ESR1: variants seen among roughly 807,000 people sequenced by gnomAD.
The protein encoded by ESR1 is estrogen receptor.
Under a neutral mutation model 52.7 loss-of-function variants are expected in ESR1, and 12 were observed. That is an observed-to-expected ratio of 0.23 (90% CI 0.15 to 0.37). ESR1 has a LOEUF of 0.37. Ranked by LOEUF, ESR1 falls within the 10% of genes least tolerant of loss-of-function variation. The pLI, the probability that ESR1 is intolerant of heterozygous loss-of-function variation, is 1.00. For synonymous variants in ESR1, 305 were observed against 316.8 expected (o/e 0.96, Z 0.39); for missense variants, 584 against 779.7 (o/e 0.75, Z 2.99).
rs1051270455 is a variant in ESR1, at chr6:151,968,099, G to A, written c.1096+23591G>A. Among the ~76,000 whole-genome samples, 3 of 151,950 alleles carry A rather than the reference G, an allele frequency of 2.0e-5. No individual in the cohort carries two copies. The East Asian group carries it at 5.8e-4, about 29-fold the overall frequency. On this transcript the variant is annotated intron_variant, in intron 4 of 7. Transcript: ENST00000206249. ...CATAGACTGATGGAACAGAACAGAG[G>A]CCTCAGAAATAACACCACACACCTA...
At chr6:151,929,748 A>C (rs180786499) in intron 3 of ESR1, among the ~76,000 whole-genome samples, 185 of 152,276 alleles carry the variant, frequency 1.2e-3, no homozygotes, top group African/African-American at 4.2e-3. Flanking sequence ...GGCTTTTTGT[A>C]GACAACATAT....
At chr6:151,697,571 T>C (rs1002903238) in intron 1 of ESR1, among the ~76,000 whole-genome samples, 2 of 152,254 alleles carry the variant, frequency 1.3e-5, no homozygotes, top group Admixed American at 1.3e-4. Flanking sequence ...GGACAAGATA[T>C]AGATGCAGAA....
At chr6:151,930,397 A>G (rs1211436967) in intron 3 of ESR1, among the ~76,000 whole-genome samples, 2 of 152,224 alleles carry the variant, frequency 1.3e-5, no homozygotes, top group African/African-American at 2.4e-5. Flanking sequence ...TACATGAAAT[A>G]TAGGGATATT....
At chr6:151,881,379 G>A (rs1002518349) in intron 3 of ESR1, among the ~76,000 whole-genome samples, 9 of 152,154 alleles carry the variant, frequency 5.9e-5, no homozygotes, top group African/African-American at 1.9e-4. Context: ...GTGACTGTGG[G>A]TTTGTGTTTT....
At chr6:152,042,317 G>A (rs1049631055) in intron 5 of ESR1, among the ~76,000 whole-genome samples, 2 of 152,160 alleles carry the variant, frequency 1.3e-5, no homozygotes, top group Non-Finnish European at 2.9e-5. Context: ...CAGCCCCACT[G>A]TAAGTTGGAC....
intron 5 of ESR1, among the ~76,000 whole-genome samples, chr6:152,041,951 G>A (rs2045836826): frequency 6.6e-6 from 1 of 152,208 alleles, no homozygotes; most frequent in South Asian, 2.1e-4. Context: ...TGCAATTGGA[G>A]TCACCGCTTA....
At chr6:151,809,487 C>T (rs1188381883) in intron 1 of ESR1, among the ~76,000 whole-genome samples, 22 of 152,148 alleles carry the variant, frequency 1.4e-4, no homozygotes, top group Admixed American at 1.4e-3. Context: ...AGCTTCAGGG[C>T]GCCACATGGC....
chr6:151,867,980 CAG>C (rs1178198011), intron 2 of ESR1, among the ~76,000 whole-genome samples: 1 of 152,142 alleles, frequency 6.6e-6, no homozygotes, highest in Non-Finnish European at 1.5e-5. Flanking sequence ...TTTTAAAAAT[CAG>C]GGGTACATAT....
chr6:151,925,301 G>T (rs1176457752), intron 3 of ESR1, among the ~76,000 whole-genome samples: 1 of 151,980 alleles, frequency 6.6e-6, no homozygotes, highest in Non-Finnish European at 1.5e-5. Flanking sequence ...CAGATCTTTT[G>T]CCCATTTTAA....
Position 151,889,112 on chromosome 6 carries a change from T to C in ESR1, c.760+8341T>C, listed in dbSNP as rs1270215232. 2.0e-5 allele frequency among the ~76,000 whole-genome samples: 3 copies of C among 152,346 alleles called. No individual in the cohort carries two copies. The East Asian group carries it at 5.8e-4, about 29-fold the overall frequency. On this transcript the variant is annotated intron_variant, in intron 3 of 7. Transcript: ENST00000206249. Reference sequence around the variant, plus strand: ...TTTGCATCTATATTCATCAGGGATATTGGCATGACATTTAATTTTCTTGTA... The same window carrying C: ...TTTGCATCTATATTCATCAGGGATACTGGCATGACATTTAATTTTCTTGTA...
exon 7 of ESR1, chr6:152,128,799 C>A (rs564704087): frequency 1.3e-5 from 2 of 152,200 alleles, no homozygotes; most frequent in Non-Finnish European, 2.9e-5. Flanking sequence ...AGGAACACCA[C>A]GACAGCCTGG....
downstream of ESR1, among the ~76,000 whole-genome samples, chr6:152,105,326 C>T (rs570181629): frequency 4.1e-4 from 63 of 152,266 alleles, no homozygotes; most frequent in African/African-American, 1.4e-3. Flanking sequence ...TCTTGTGGGA[C>T]TGAGCCCTTA....
intron 2 of ESR1, among the ~76,000 whole-genome samples, chr6:151,846,540 T>G (rs1785157657): frequency 6.6e-6 from 1 of 152,196 alleles, no homozygotes; most frequent in Non-Finnish European, 1.5e-5. Flanking sequence ...ATGCCGCAGC[T>G]CTCCCTGTTT....
chr6:151,833,032 A>T (rs1306375688), intron 1 of ESR1, among the ~76,000 whole-genome samples: 1 of 152,182 alleles, frequency 6.6e-6, no homozygotes, highest in East Asian at 1.9e-4. Flanking sequence ...GCAGATTCTG[A>T]TGAGAAACAA....
intron 4 of ESR1, among the ~76,000 whole-genome samples, chr6:151,968,153 A>G (rs1473164690): frequency 6.6e-6 from 1 of 152,204 alleles, no homozygotes; most frequent in Non-Finnish European, 1.5e-5. Context: ...CAAACCGGAC[A>G]AAAACAAGAA....
At chr6:151,800,714 G>T (rs139616104), upstream of ESR1, among the ~76,000 whole-genome samples, 1 of 152,234 alleles carries the variant, frequency 6.6e-6, no homozygotes, top group East Asian at 1.9e-4. Flanking sequence ...ACAGTTCTCC[G>T]CACTTAGAAA....
intron 2 of ESR1, among the ~76,000 whole-genome samples, chr6:151,772,262 A>C (rs1373867692): frequency 6.6e-6 from 1 of 152,230 alleles, no homozygotes; most frequent in East Asian, 1.9e-4. Flanking sequence ...GGGCACTGTG[A>C]CATGGCACCC....
chr6:151,992,875 A>G (rs1228259626), intron 4 of ESR1, among the ~76,000 whole-genome samples: 1 of 152,102 alleles, frequency 6.6e-6, no homozygotes, highest in Non-Finnish European at 1.5e-5. Context: ...TTTTTTGTAA[A>G]TATGTCTGTT....
rs2049835254 is a variant in ESR1 at position 152,087,549 on chromosome 6, T to TCGAC, written c.1370-6835_1370-6834insGACC. Among the ~76,000 whole-genome samples the TCGAC allele has an allele frequency of 2.6e-5, 4 of 152,290 alleles. No homozygotes were observed. In the South Asian group the frequency reaches 8.3e-4, roughly 32 times the overall value. On this transcript the variant is annotated intron_variant, in intron 6 of 7. Transcript: ENST00000206249. Reference sequence around the variant, plus strand: ...GATATCATAACCCTCTTTTATGTGGTCACTCAGGGACTCAGGCTGTTGAGG... The same window carrying TCGAC: ...GATATCATAACCCTCTTTTATGTGGTCGACCACTCAGGGACTCAGGCTGTTGAGG...
Sources: allele counts gnomAD v4.1 joint callset (sites outside exome capture counted in the v4.1 genomes callset), GRCh38; gene constraint gnomAD v4.1.1; transcripts MANE v1.5; gene names NCBI Gene and HGNC (gene_info 2026-07-23, HGNC 2026-07-21).